The following LMBR1 variants were observed in gnomAD, a reference collection of about 807,000 sequenced individuals.
The protein encoded by LMBR1 is limb development membrane protein 1, also known as limb region 1 protein homolog.
In LMBR1, 52 loss-of-function variants were observed where a neutral mutation model predicts 73.9. The ratio of observed to expected loss-of-function variants is 0.70; its 90% CI spans 0.56 to 0.89. The LOEUF is 0.89. LMBR1 is among the 40% of genes least tolerant of loss of function. The pLI is 0.00. For missense variants in LMBR1, 539 were observed against 579.8 expected, an observed-to-expected ratio of 0.93 and a Z score of 0.72; for synonymous variants, 215 against 209.4, an observed-to-expected ratio of 1.03 and a Z score of -0.23.
intron 1 of LMBR1, among the ~76,000 whole-genome samples, chr7:156,885,234 TCC>T (rs1052950603): frequency 1.3e-5 from 2 of 151,856 alleles, no homozygotes; most frequent in African/African-American, 4.8e-5. Context: ...GCGCCTGTAA[TCC>T]CAGCTACTTG....
intron 1 of LMBR1, among the ~76,000 whole-genome samples, chr7:156,891,190 CAAAAAAA>C (rs58107543): frequency 9.7e-5 from 2 of 20,672 alleles, no homozygotes; most frequent in African/African-American, 2.2e-4. Flanking sequence ...GACTCCATCA[CAAAAAAA>C]AAAAAAAAAA....
intron 15 of LMBR1, among the ~76,000 whole-genome samples, chr7:156,695,253 G>T (rs1308579898): frequency 1.3e-5 from 2 of 152,184 alleles, no homozygotes; most frequent in Non-Finnish European, 2.9e-5. Context: ...TGGCCACAAT[G>T]ACTTAAAATC....
chr7:156,790,742 A>T (rs1829067400), intron 5 of LMBR1, among the ~76,000 whole-genome samples: 1 of 142,690 alleles, frequency 7.0e-6, no homozygotes, highest in African/African-American at 2.5e-5. Flanking sequence ...TCCTGAACTA[A>T]ATGATTTTCA....
intron 1 of LMBR1, among the ~76,000 whole-genome samples, chr7:156,880,921 G>A (rs10229309): frequency 0.36 from 54,577 of 151,948 alleles, 10,043 homozygotes; most frequent in East Asian, 0.57. Context: ...CCAAAGTGCT[G>A]GGACTTCAAG....
intron 1 of LMBR1, among the ~76,000 whole-genome samples, chr7:156,847,663 AG>A (rs1795682526): frequency 6.7e-6 from 1 of 149,350 alleles, no homozygotes; most frequent in South Asian, 2.1e-4. Context: ...ATAGCAAATA[AG>A]CACACAAAAA....
At chr7:156,750,346 A>C (rs927594834) in intron 9 of LMBR1, among the ~76,000 whole-genome samples, 2 of 152,116 alleles carry the variant, frequency 1.3e-5, no homozygotes, top group Non-Finnish European at 2.9e-5. Context: ...GAATTACAAA[A>C]GATTTTCTAC....
intron 15 of LMBR1, among the ~76,000 whole-genome samples, chr7:156,710,736 A>T (rs1811903466): frequency 6.6e-6 from 1 of 152,270 alleles, no homozygotes; most frequent in African/African-American, 2.4e-5. Context: ...ATCTAAAGTC[A>T]AAACGAAGGA....
At chr7:156,892,730 G>GGAGGGGAGAGGA (rs1803328091) in intron 1 of LMBR1, 198 bp downstream of exon 1, 1 of 398,750 alleles carries the variant, frequency 2.5e-6, no homozygotes, top group Non-Finnish European at 4.4e-6. Flanking sequence ...GAAGGGGAGG[G>GGAGGGGAGAGGA]GAGGGGAGAG....
At chr7:156,845,522 G>A (rs1839438887) in intron 1 of LMBR1, among the ~76,000 whole-genome samples, 2 of 152,118 alleles carry the variant, frequency 1.3e-5, no homozygotes, top group Middle Eastern at 3.4e-3. Flanking sequence ...TAGTAAACGG[G>A]AAAAACTATT....
intron 5 of LMBR1, among the ~76,000 whole-genome samples, chr7:156,789,987 C>T (rs938922545): frequency 6.6e-6 from 1 of 151,906 alleles, no homozygotes; most frequent in African/African-American, 2.4e-5. Flanking sequence ...AGCTTTTCTT[C>T]ATTTAAACAG....
intron 1 of LMBR1, among the ~76,000 whole-genome samples, chr7:156,879,593 G>A (rs1800742657): frequency 6.6e-6 from 1 of 151,176 alleles, no homozygotes; most frequent in South Asian, 2.1e-4. Context: ...GAACCCGAGA[G>A]GTGGAGCTTG....
intron 1 of LMBR1, among the ~76,000 whole-genome samples, chr7:156,865,171 A>C (rs1164501458): frequency 1.3e-5 from 2 of 151,892 alleles, no homozygotes; most frequent in African/African-American, 4.8e-5. Flanking sequence ...GCTGGGCGTG[A>C]TGTTGCACGC....
At chr7:156,846,241 G>T (rs894343023) in intron 1 of LMBR1, among the ~76,000 whole-genome samples, 3 of 151,962 alleles carry the variant, frequency 2.0e-5, no homozygotes, top group African/African-American at 7.3e-5. Flanking sequence ...TCATGCCACT[G>T]CACTCCAGCC....
intron 1 of LMBR1, among the ~76,000 whole-genome samples, chr7:156,872,785 A>C (rs902977482): frequency 6.6e-6 from 1 of 152,334 alleles, no homozygotes; most frequent in Non-Finnish European, 1.5e-5. Context: ...GCAGGACTAG[A>C]TTGCAGCTCC....
chr7:156,762,859 G>C (rs1823353313), intron 7 of LMBR1, among the ~76,000 whole-genome samples: 1 of 151,980 alleles, frequency 6.6e-6, no homozygotes, highest in South Asian at 2.1e-4. Context: ...GTGTGTGTGT[G>C]TGTGTGTGTG....
chr7:156,860,381 C>G (rs571721033), intron 1 of LMBR1, among the ~76,000 whole-genome samples: 1 of 152,100 alleles, frequency 6.6e-6, no homozygotes, highest in Non-Finnish European at 1.5e-5. Flanking sequence ...AAGAACAGCA[C>G]GGGAAAGACC....
intron 1 of LMBR1, among the ~76,000 whole-genome samples, chr7:156,844,720 G>C (rs1406429485): frequency 6.6e-6 from 1 of 151,886 alleles, no homozygotes; most frequent in Non-Finnish European, 1.5e-5. Flanking sequence ...CCCTATTTCA[G>C]AGCTCACAGC....
intron 1 of LMBR1, among the ~76,000 whole-genome samples, chr7:156,888,149 G>C (rs538428157): frequency 6.6e-6 from 1 of 152,144 alleles, no homozygotes; most frequent in East Asian, 1.9e-4. Context: ...GGTGGCTCAC[G>C]CCTGTAATCC....
chr7:156,796,396 A>C lies in LMBR1; in HGVS notation c.416T>G (p.Leu139Arg). The C allele has an allele frequency of 2.5e-6, 4 of 1,596,284 alleles. No homozygotes were observed. The highest frequency in any genetic ancestry group is 3.4e-6 in the Non-Finnish European group (4 of 1,171,528). Reference sequence around the variant, plus strand: ...AATACTAGATTCACTTACCTTTTTCAGGCCAGCAAAGCCTTCTGATTCCAG... The same window carrying C: ...AATACTAGATTCACTTACCTTTTTCCGGCCAGCAAAGCCTTCTGATTCCAG... ...FFLESEGFAG[L>R]KKGIRARILE... The change falls in exon 5 of 17, where the codon CTG becomes CGG. Residue 139 changes from leucine to arginine, a missense_variant. Transcript: ENST00000353442.
Sources: allele counts gnomAD v4.1 joint callset (sites outside exome capture counted in the v4.1 genomes callset), GRCh38; gene constraint gnomAD v4.1.1; transcripts MANE v1.5; gene names NCBI Gene and HGNC (gene_info 2026-07-23, HGNC 2026-07-21).